VPS13C: variants seen among roughly 807,000 people sequenced by gnomAD.
VPS13C encodes vacuolar protein sorting 13 homolog C, also known as intermembrane lipid transfer protein VPS13C.
A neutral mutation model predicts 456.8 loss-of-function variants in VPS13C; 358 were observed. The ratio of observed to expected loss-of-function variants is 0.78; its 90% CI spans 0.72 to 0.86. VPS13C has a LOEUF of 0.86. VPS13C is among the 40% of genes least tolerant of loss of function. VPS13C has a pLI of 0.00. For missense variants in VPS13C, 4,818 were observed against 4,385.4 expected (o/e 1.10, Z -2.79); for synonymous variants, 1,578 against 1,486.7 (o/e 1.06, Z -1.41).
rs766167434 is a variant in VPS13C at position 62,008,703 on chromosome 15, T to A, written c.1070A>T (p.Tyr357Phe). ...SVDYMVRNAP[Y>F]RKYKPYLPLH... ...TGGTAAATAAGGCTTGTATTTCCTA[T>A]AAGGCGCATTCCTAACCATATAATC... is the stretch of plus-strand genomic sequence containing the variant. Residue 357 changes from tyrosine to phenylalanine, a missense_variant, in exon 14 of 85, where the codon TAT (tyrosine) becomes TTT (phenylalanine). Around this residue, in one of 3 missense-constraint regions of VPS13C, gnomAD observed 4,552 missense variants for 4,130.6 expected, o/e 1.10. Coordinates refer to ENST00000644861, the MANE Select transcript of VPS13C (RefSeq NM_020821.3). The A allele has an allele frequency of 6.2e-7, 1 of 1,609,094 alleles. No individual in the cohort carries two copies. The highest frequency in any genetic ancestry group is 1.3e-5 in the African/African-American group (1 of 74,912).
At chr15:61,928,910 GAA>G (rs904366562) in intron 51 of VPS13C, among the ~76,000 whole-genome samples, 15 of 150,950 alleles carry the variant, frequency 9.9e-5, no homozygotes, top group Admixed American at 9.9e-4. Context: ...AAAAAGGAGA[GAA>G]GAGGAGAGGA....
At chr15:61,936,478 G>C (rs2044229712) in intron 48 of VPS13C, 119 bp downstream of exon 48, 6 of 975,062 alleles carry the variant, frequency 6.2e-6, no homozygotes, top group Admixed American at 3.8e-5. Flanking sequence ...TCCACAGTAA[G>C]TAGTACAATA....
At chr15:61,978,981 G>C (rs1008633991) in intron 22 of VPS13C, among the ~76,000 whole-genome samples, 2 of 152,146 alleles carry the variant, frequency 1.3e-5, no homozygotes, top group Non-Finnish European at 2.9e-5. Flanking sequence ...ACATTTTCAT[G>C]TTTGAGCTGT....
intron 58 of VPS13C, 21 bp from the exon 59 acceptor site, chr15:61,918,278 C>T: frequency 6.6e-7 from 1 of 1,507,174 alleles, no homozygotes; most frequent in South Asian, 1.3e-5. Flanking sequence ...AAAAAAAATA[C>T]AAGTTTTTTA....
chr15:62,019,929 A>G (rs375170851), intron 9 of VPS13C, among the ~76,000 whole-genome samples: 1 of 151,324 alleles, frequency 6.6e-6, no homozygotes, highest in African/African-American at 2.4e-5. Context: ...TGCCTGTAAT[A>G]GAAATAAAAA....
chr15:62,057,027 G>T (rs1019954007), intron 1 of VPS13C, among the ~76,000 whole-genome samples: 3 of 152,098 alleles, frequency 2.0e-5, no homozygotes, highest in Non-Finnish European at 4.4e-5. Context: ...CGCATTGGTG[G>T]TAGCGGTCCC....
intron 9 of VPS13C, among the ~76,000 whole-genome samples, chr15:62,019,081 G>GC (rs2047363280): frequency 6.6e-6 from 1 of 152,210 alleles, no homozygotes; most frequent in Admixed American, 6.5e-5. Context: ...GCGTAGAGGT[G>GC]TTTATAGTAT....
At chr15:62,026,126 AT>A (rs892976539) in intron 6 of VPS13C, among the ~76,000 whole-genome samples, 2 of 125,746 alleles carry the variant, frequency 1.6e-5, no homozygotes, top group Non-Finnish European at 3.7e-5. Context: ...TAGATATATA[AT>A]TAGAAAAGGG....
chr15:61,976,479 G>A (rs2045706332), intron 24 of VPS13C, among the ~76,000 whole-genome samples: 1 of 151,992 alleles, frequency 6.6e-6, no homozygotes. Flanking sequence ...TCCAGGGACT[G>A]GGGGAAGAGA....
rs367905610 is a variant in VPS13C, at chr15:61,931,051, A to T, written c.6038+39T>A. ...CTGGCAGCCATGCAGGTGCAATGTC[A>T]ACCTTAAATAATGTATTGCAAACTC... On this transcript the variant is annotated intron_variant, in intron 50 of 84. Coordinates refer to ENST00000644861, the MANE Select transcript of VPS13C (RefSeq NM_020821.3). 4.3e-6 allele frequency: 7 copies of T among 1,610,708 alleles called. No homozygotes were observed. In the African/African-American group the frequency reaches 9.3e-5, roughly 22 times the overall value.
intron 13 of VPS13C, 124 bp from the exon 14 acceptor site, chr15:62,008,885 A>G (rs2046945916): frequency 4.5e-6 from 2 of 444,168 alleles, no homozygotes; most frequent in African/African-American, 2.0e-5. Context: ...TGGTAGTCCA[A>G]TAATATACTG....
At chr15:62,047,255 C>T (rs540031940) in intron 1 of VPS13C, among the ~76,000 whole-genome samples, 1 of 151,508 alleles carries the variant, frequency 6.6e-6, no homozygotes, top group African/African-American at 2.4e-5. Context: ...GAAACCCCAT[C>T]TCTACTAAAA....
rs748803477 is a variant in VPS13C at position 61,948,400 on chromosome 15, G to A, written c.4759+1043C>T. On this transcript the variant is annotated intron_variant, in intron 42 of 84. Coordinates refer to ENST00000644861, the MANE Select transcript of VPS13C (RefSeq NM_020821.3). ...TCCATGGTTTAAAAAAATCACATCC[G>A]GCCGGGCGTGGTGGCTCATGCCTGT... is the stretch of plus-strand genomic sequence containing the variant. Among the ~76,000 whole-genome samples the A allele has an allele frequency of 2.6e-5, 4 of 152,132 alleles. No homozygotes were observed. The South Asian group carries it at 6.2e-4, about 24-fold the overall frequency.
rs776232350 is a variant in VPS13C at position 61,890,263 on chromosome 15, T to G, written c.9243A>C (p.Glu3081Asp). The G allele has an allele frequency of 1.9e-6, 3 of 1,613,970 alleles. No homozygotes were observed. In the African/African-American group the frequency reaches 4.0e-5, roughly 22 times the overall value. ...ACAAGGTTATTTCATAATCAGCCTG[T>G]TCCATTTCTTCTGCCTGCAGTGCTT... ...VSKALQAEEM[E>D]QADYEITLSL... The change falls in exon 67 of 85, where the codon GAA (glutamate) becomes GAC (aspartate). Residue 3081 changes from glutamate (E) to aspartate (D), a missense_variant. Coordinates refer to ENST00000644861, the MANE Select transcript of VPS13C (RefSeq NM_020821.3).
At chr15:62,056,642 G>C (rs2048811114) in intron 1 of VPS13C, among the ~76,000 whole-genome samples, 1 of 152,114 alleles carries the variant, frequency 6.6e-6, no homozygotes, top group African/African-American at 2.4e-5. Flanking sequence ...CCTGACATCA[G>C]TCAGGCTTGC....
chr15:61,856,697 T>C (rs1207195717), intron 82 of VPS13C: 1 of 226,944 alleles, frequency 4.4e-6, no homozygotes, highest in African/African-American at 2.4e-5. Flanking sequence ...CTTTTTTTTT[T>C]TTTTTTTTTT....
At position 61,969,622 on chromosome 15, in the gene VPS13C, A is replaced by G. The variant is rs567370670; in HGVS notation, c.2758-170T>C. On this transcript the variant is annotated intron_variant, in intron 27 of 84. Coordinates refer to ENST00000644861, the MANE Select transcript of VPS13C (RefSeq NM_020821.3). ...TTGGAAATTACAAAACTTAAATTCT[A>G]TTGTTGAGAATATAAATACATTTAT... Among the ~76,000 whole-genome samples the G allele has an allele frequency of 1.5e-3, 223 of 152,276 alleles. No individual in the cohort carries two copies. The Middle Eastern group carries it at 0.024, about 16-fold the overall frequency.
intron 66 of VPS13C, among the ~76,000 whole-genome samples, chr15:61,897,445 C>T (rs1027266354): frequency 6.6e-6 from 1 of 151,912 alleles, no homozygotes; most frequent in African/African-American, 2.4e-5. Context: ...TCGAGAACTA[C>T]GTGAAGAATG....
intron 67 of VPS13C, among the ~76,000 whole-genome samples, chr15:61,887,423 A>G (rs1284708946): frequency 6.6e-6 from 1 of 152,202 alleles, no homozygotes; most frequent in Non-Finnish European, 1.5e-5. Context: ...CAATAAAGCA[A>G]ATCTAGACAC....
Sources: gnomAD v4.1 joint callset for allele counts (sites outside exome capture counted in the v4.1 genomes callset) on GRCh38, gnomAD v4.1.1 for gene constraint, gnomAD v4.1.1 regional missense constraint, MANE v1.5 for transcripts, NCBI Gene and HGNC (gene_info 2026-07-23, HGNC 2026-07-21) for gene names.